The following ACTR3C variants were observed in gnomAD, a reference collection of about 807,000 sequenced individuals.
ACTR3C encodes the protein actin related protein 3C, also known as actin-related protein 3C.
In ACTR3C, 18 loss-of-function variants were observed where a neutral mutation model predicts 26.3. The observed-to-expected ratio is 0.68, with a 90% CI of 0.47 to 1.01. The LOEUF (loss-of-function observed/expected upper bound fraction) is 1.01. Ranked by LOEUF, ACTR3C falls within the 50% of genes least tolerant of loss-of-function variation. ACTR3C has a pLI of 0.00. For missense variants in ACTR3C, 184 were observed against 250.7 expected, an observed-to-expected ratio of 0.73 and a Z score of 1.80; for synonymous variants, 55 against 94.5, an observed-to-expected ratio of 0.58 and a Z score of 2.42.
At chr7:150,085,439 G>C in the ACTR3C span, among the ~76,000 whole-genome samples, 4 of 152,094 alleles carry the variant, frequency 2.6e-5, no homozygotes, top group Non-Finnish European at 5.9e-5. Flanking sequence ...AGTGTTTCGA[G>C]ATGGAAGTCA....
At chr7:150,036,060 T>A in the ACTR3C span, among the ~76,000 whole-genome samples, 2 of 96,094 alleles carry the variant, frequency 2.1e-5, no homozygotes, top group African/African-American at 8.3e-5. Context: ...TCGCTCTCAG[T>A]CCCCGCGTCG....
the ACTR3C span, among the ~76,000 whole-genome samples, chr7:149,961,614 A>G: frequency 4.6e-5 from 7 of 151,574 alleles, no homozygotes; most frequent in African/African-American, 1.7e-4. Flanking sequence ...GAAGTATACC[A>G]TCAGAGGAAA....
At chr7:149,992,697 G>A in the ACTR3C span, among the ~76,000 whole-genome samples, 1 of 152,176 alleles carries the variant, frequency 6.6e-6, no homozygotes, top group Non-Finnish European at 1.5e-5. Context: ...GACAAAGAAG[G>A]GTGGGCAACC....
chr7:149,898,705 T>TA, the ACTR3C span, among the ~76,000 whole-genome samples: 29 of 150,276 alleles, frequency 1.9e-4, no homozygotes, highest in South Asian at 4.2e-4. Context: ...AGACTCTGTG[T>TA]AAAAAAAAAT....
At chr7:150,269,466 C>T (rs1834290009) in intron 6 of ACTR3C, among the ~76,000 whole-genome samples, 1 of 150,692 alleles carries the variant, frequency 6.6e-6, no homozygotes, top group Non-Finnish European at 1.5e-5. Flanking sequence ...CACCAGGCCG[C>T]TCGCAGGTCT....
chr7:150,038,893 C>CG, the ACTR3C span, among the ~76,000 whole-genome samples: 2 of 98,476 alleles, frequency 2.0e-5, no homozygotes, highest in Admixed American at 1.1e-4. Context: ...GGGTGCCTCC[C>CG]CCCTGCGATG....
the ACTR3C span, among the ~76,000 whole-genome samples, chr7:150,024,082 G>A: frequency 5.3e-5 from 8 of 150,978 alleles, no homozygotes; most frequent in East Asian, 1.2e-3. Flanking sequence ...AGGCCATGAC[G>A]GTGCCTGAAA....
At chr7:149,977,901 C>A in the ACTR3C span, among the ~76,000 whole-genome samples, 1 of 151,338 alleles carries the variant, frequency 6.6e-6, no homozygotes, top group Non-Finnish European at 1.5e-5. Flanking sequence ...AGTCGGTCAG[C>A]TTTTATTTTA....
intron 6 of ACTR3C, among the ~76,000 whole-genome samples, chr7:150,280,237 A>T (rs1835211542): frequency 6.6e-6 from 1 of 152,150 alleles, no homozygotes; most frequent in African/African-American, 2.4e-5. Context: ...TCCATTTTAC[A>T]GCTCCTGGAT....
chr7:150,169,811 G>C, the ACTR3C span, among the ~76,000 whole-genome samples: 1 of 150,674 alleles, frequency 6.6e-6, no homozygotes. Flanking sequence ...GCATCATTGA[G>C]CTTAAGGCTT....
chr7:150,252,289 T>C lies in ACTR3C; in HGVS notation c.565-3235A>G, dbSNP rs144802900. ...TTAAGTTCTTTGGAGAACATGGACA[T>C]ATAAAGTATTCATTGCCCTGGCTCC... On this transcript the variant is annotated intron_variant, in intron 6 of 7. Transcript: ENST00000683684. 8.5e-4 allele frequency among the ~76,000 whole-genome samples: 130 copies of C among 152,316 alleles called. 1 individual carries two copies. Among genetic ancestry groups the C allele is most frequent in the African/African-American group, 3.1e-3 (127 of 41,566 alleles).
At chr7:149,906,756 C>G in the ACTR3C span, among the ~76,000 whole-genome samples, 3 of 109,554 alleles carry the variant, frequency 2.7e-5, no homozygotes, top group East Asian at 7.6e-4. Context: ...CTAGCTGCAG[C>G]CTAACTCTCT....
chr7:150,153,914 TC>T, the ACTR3C span, among the ~76,000 whole-genome samples: 1 of 147,022 alleles, frequency 6.8e-6, no homozygotes, highest in Non-Finnish European at 1.5e-5. Context: ...TGAGTTCATG[TC>T]CTTTGTAGGG....
At chr7:149,929,529 C>CT in the ACTR3C span, among the ~76,000 whole-genome samples, 634 of 109,144 alleles carry the variant, frequency 5.8e-3, 12 homozygotes, top group African/African-American at 0.021. Context: ...CCACAAATGA[C>CT]TTTTTTTTTT....
At chr7:150,196,387 A>G in the ACTR3C span, among the ~76,000 whole-genome samples, 1 of 152,230 alleles carries the variant, frequency 6.6e-6, no homozygotes, top group Non-Finnish European at 1.5e-5. Flanking sequence ...ACTGATGAAC[A>G]TGTCAAAAGT....
At chr7:150,207,035 T>C in the ACTR3C span, among the ~76,000 whole-genome samples, 2 of 152,210 alleles carry the variant, frequency 1.3e-5, no homozygotes, top group Admixed American at 6.5e-5. Context: ...GAAGTAAACA[T>C]AGAAAATGTT....
chr7:150,223,528 G>A, the ACTR3C span, among the ~76,000 whole-genome samples: 2 of 151,902 alleles, frequency 1.3e-5, no homozygotes, highest in South Asian at 4.2e-4. Flanking sequence ...CATTTCCCAA[G>A]ACGTTAGTAC....
the ACTR3C span, among the ~76,000 whole-genome samples, chr7:149,994,600 T>C: frequency 6.6e-6 from 1 of 150,786 alleles, no homozygotes; most frequent in Non-Finnish European, 1.5e-5. Flanking sequence ...GAACTCCATC[T>C]CAAAAGAAAA....
chr7:150,214,515 T>C, the ACTR3C span, among the ~76,000 whole-genome samples: 5,452 of 150,864 alleles, frequency 0.036, 128 homozygotes, highest in African/African-American at 0.063. Flanking sequence ...AAATTAAACC[T>C]GAAAAAGAGA....
Sources: allele counts gnomAD v4.1 joint callset (sites outside exome capture counted in the v4.1 genomes callset), GRCh38; gene constraint gnomAD v4.1.1; transcripts MANE v1.5; gene names NCBI Gene and HGNC (gene_info 2026-07-23, HGNC 2026-07-21).